RBFOX1: variants seen among roughly 807,000 people sequenced by gnomAD.
RBFOX1 encodes the protein RNA binding protein fox-1 homolog 1.
Under a neutral mutation model 57.7 loss-of-function variants are expected in RBFOX1, and 8 were observed. That is an observed-to-expected ratio of 0.14 (90% CI 0.08 to 0.25). RBFOX1 has a LOEUF of 0.25. Among genes scored for constraint, RBFOX1 ranks in the 10% least tolerant of loss-of-function variants. The pLI is 1.00. For synonymous variants in RBFOX1, 326 were observed against 222.4 expected (o/e 1.47, Z -4.15); for missense variants, 611 against 548.5 (o/e 1.11, Z -1.14).
chr16:7,456,049 G>T (rs956065951), intron 4 of RBFOX1, among the ~76,000 whole-genome samples: 3 of 152,144 alleles, frequency 2.0e-5, no homozygotes, highest in African/African-American at 7.2e-5. Flanking sequence ...GCTTTGAAGA[G>T]CCCCGCATGT....
intron 3 of RBFOX1, among the ~76,000 whole-genome samples, chr16:6,952,607 C>T (rs911548860): frequency 3.9e-5 from 6 of 151,930 alleles, no homozygotes; most frequent in South Asian, 2.1e-4. Context: ...CACTGGACTA[C>T]AGCCTGGGCA....
At chr16:7,464,366 T>G (rs2060112061) in intron 4 of RBFOX1, among the ~76,000 whole-genome samples, 2 of 152,056 alleles carry the variant, frequency 1.3e-5, no homozygotes, top group South Asian at 2.1e-4. Flanking sequence ...CAAAGGAATA[T>G]CGCAGAAGCT....
chr16:6,877,379 G>C (rs2153304922), intron 3 of RBFOX1, among the ~76,000 whole-genome samples: 1 of 152,194 alleles, frequency 6.6e-6, no homozygotes, highest in East Asian at 1.9e-4. Flanking sequence ...TCTAATAACT[G>C]ACATAACTGC....
intron 6 of RBFOX1, among the ~76,000 whole-genome samples, chr16:7,584,697 C>T (rs945088328): frequency 1.7e-4 from 26 of 152,320 alleles, no homozygotes; most frequent in East Asian, 3.9e-4. Context: ...GTTATGTCTG[C>T]GAATGAGTCG....
rs1555493205 is a variant in RBFOX1 at position 6,063,507 on chromosome 16, C to CACACACACACA, written c.-127+43515_-127+43516insACACACACACA. 4.1e-3 allele frequency among the ~76,000 whole-genome samples: 193 copies of CACACACACACA among 47,182 alleles called. 2 individuals carry two copies. Among genetic ancestry groups the CACACACACACA allele is most frequent in the African/African-American group, 9.2e-3 (167 of 18,208 alleles). The allele number at this position is 47,182 out of a possible 152,430, so 31.0% of individuals were successfully genotyped here. The stretch of plus-strand genomic sequence containing the variant: ...CACACACACACACACACACACACAC[C>CACACACACACA]CCCTTATATTTTTCCCCTAGTACCT... On this transcript the variant is annotated intron_variant, in intron 1 of 15. Coordinates refer to ENST00000550418, the MANE Select transcript of RBFOX1 (RefSeq NM_018723.4).
chr16:5,935,952 C>G (rs375284471), intron 4 of RBFOX1, among the ~76,000 whole-genome samples: 15 of 152,270 alleles, frequency 9.9e-5, no homozygotes, highest in African/African-American at 3.1e-4. Flanking sequence ...TGGAGGCCCT[C>G]AGGGCCTTCG....
At chr16:7,031,073 AG>A (rs1252936503) in intron 3 of RBFOX1, among the ~76,000 whole-genome samples, 2 of 152,132 alleles carry the variant, frequency 1.3e-5, no homozygotes, top group Admixed American at 1.3e-4. Flanking sequence ...TCTTCCAAGG[AG>A]GGTAGCCAGG....
intron 4 of RBFOX1, among the ~76,000 whole-genome samples, chr16:7,292,737 C>A (rs775788769): frequency 8.6e-5 from 13 of 151,878 alleles, no homozygotes; most frequent in South Asian, 2.1e-4. Flanking sequence ...TCTTACATGT[C>A]ACTCTACTGA....
intron 4 of RBFOX1, among the ~76,000 whole-genome samples, chr16:5,930,109 G>A (rs1225612702): frequency 6.6e-6 from 1 of 151,596 alleles, no homozygotes; most frequent in Non-Finnish European, 1.5e-5. Flanking sequence ...TTGAATGGAA[G>A]GATGGGAGAC....
chr16:6,930,622 C>A (rs1377958364), intron 3 of RBFOX1, among the ~76,000 whole-genome samples: 1 of 152,120 alleles, frequency 6.6e-6, no homozygotes, highest in South Asian at 2.1e-4. Flanking sequence ...GTTGGCCAGG[C>A]TGGTCTTGAG....
chr16:7,623,492 G>C (rs191882188), intron 10 of RBFOX1, among the ~76,000 whole-genome samples: 44 of 152,220 alleles, frequency 2.9e-4, no homozygotes, highest in Admixed American at 1.6e-3. Flanking sequence ...CCCTAGCTCA[G>C]TTCACAATAA....
intron 2 of RBFOX1, among the ~76,000 whole-genome samples, chr16:5,504,885 T>C (rs74004347): frequency 0.15 from 22,865 of 152,022 alleles, 4,643 homozygotes; most frequent in African/African-American, 0.46. Context: ...CAGGAAACTT[T>C]CAGACTAGGC....
At chr16:6,231,841 T>C (rs200427137) in intron 1 of RBFOX1, among the ~76,000 whole-genome samples, 1 of 149,068 alleles carries the variant, frequency 6.7e-6, no homozygotes, top group Non-Finnish European at 1.5e-5. Context: ...GTTTTTTTTT[T>C]TTTTTTTTTT....
At chr16:6,199,918 A>G (rs2097204485) in intron 1 of RBFOX1, among the ~76,000 whole-genome samples, 2 of 152,224 alleles carry the variant, frequency 1.3e-5, no homozygotes, top group South Asian at 4.1e-4. Context: ...GACTGTGCGA[A>G]CACTCATGAG....
At chr16:6,648,558 G>C (rs141157597) in intron 2 of RBFOX1, among the ~76,000 whole-genome samples, 3 of 152,102 alleles carry the variant, frequency 2.0e-5, no homozygotes, top group African/African-American at 7.2e-5. Flanking sequence ...CCGCAGCCCT[G>C]TCCTCCCACC....
intron 4 of RBFOX1, among the ~76,000 whole-genome samples, chr16:7,308,565 C>A (rs1368113435): frequency 1.3e-5 from 2 of 152,220 alleles, no homozygotes; most frequent in Admixed American, 1.3e-4. Flanking sequence ...ATTTTTCCCA[C>A]TTAATGATGA....
chr16:6,327,786 T>G (rs4786860), intron 2 of RBFOX1, among the ~76,000 whole-genome samples: 45,561 of 152,118 alleles, frequency 0.3, 8,169 homozygotes, highest in Middle Eastern at 0.4. Flanking sequence ...GCCTCTCTTC[T>G]TGACCGATCT....
chr16:6,747,452 C>CAG (rs2073962693), intron 3 of RBFOX1, among the ~76,000 whole-genome samples: 3 of 149,650 alleles, frequency 2.0e-5, no homozygotes, highest in Non-Finnish European at 4.4e-5. Context: ...GTTAGTCTGT[C>CAG]TGTCTGTCTG....
intron 4 of RBFOX1, among the ~76,000 whole-genome samples, chr16:7,225,610 A>G (rs2093045971): frequency 6.6e-6 from 1 of 151,990 alleles, no homozygotes; most frequent in South Asian, 2.1e-4. Flanking sequence ...GTGACCTTAC[A>G]TTCAAAGATA....
Sources: allele counts gnomAD v4.1 joint callset (sites outside exome capture counted in the v4.1 genomes callset), GRCh38; gene constraint gnomAD v4.1.1; transcripts MANE v1.5; gene names NCBI Gene and HGNC (gene_info 2026-07-23, HGNC 2026-07-21).